The following ANAPC2 variants were observed in gnomAD, a reference collection of about 807,000 sequenced individuals.
The protein encoded by ANAPC2 is anaphase promoting complex subunit 2, also known as anaphase-promoting complex subunit 2.
Under a neutral mutation model 84.3 loss-of-function variants are expected in ANAPC2, and 29 were observed. The ratio of observed to expected loss-of-function variants is 0.34; its 90% confidence interval spans 0.26 to 0.47. The LOEUF (loss-of-function observed/expected upper bound fraction) is 0.47, where lower values mean the gene tolerates loss of function less well. Among genes scored for constraint, ANAPC2 ranks in the 20% least tolerant of loss-of-function variants. ANAPC2 has a pLI of 1.00. For missense variants in ANAPC2, 857 were observed against 1,131.7 expected (o/e 0.76, Z 3.48); for synonymous variants, 571 against 479.4 (o/e 1.19, Z -2.50).
At chr9:137,183,517 G>T (rs75838123) in intron 5 of ANAPC2, 155 bp downstream of exon 5, 2 of 1,194,106 alleles carry the variant, frequency 1.7e-6, no homozygotes, top group Non-Finnish European at 1.1e-6. Flanking sequence ...GGGCACCTCA[G>T]ATCCCCTAAG....
chr9:137,186,309 G>T lies in ANAPC2; in HGVS notation c.788C>A (p.Thr263Asn). The change falls in exon 3 of 13, where the codon ACC becomes AAC. Residue 263 changes from threonine (T) to asparagine (N), a missense_variant. By Grantham distance (65) the Thr-to-Asn change is moderately conservative (BLOSUM62 0). Coordinates refer to ENST00000323927, the MANE Select transcript of ANAPC2 (RefSeq NM_013366.4). ...LERVSAEAVT[T>N]TLHQVTRERM... Reference sequence around the variant, plus strand: ...CTCCCGGGTCACCTGGTGCAGGGTGGTGGTCACAGCCTCGGCACTGACCCG... The same window carrying T: ...CTCCCGGGTCACCTGGTGCAGGGTGTTGGTCACAGCCTCGGCACTGACCCG... 4 of 1,611,820 alleles carry T rather than the reference G, an allele frequency of 2.5e-6. No homozygotes were observed. The highest frequency in any genetic ancestry group is 3.4e-6 in the Non-Finnish European group (4 of 1,179,834).
At chr9:137,178,554 A>G (rs1248351457) in intron 10 of ANAPC2, among the ~76,000 whole-genome samples, 1 of 152,070 alleles carries the variant, frequency 6.6e-6, no homozygotes, top group Non-Finnish European at 1.5e-5. Context: ...GCAGGGGGAA[A>G]GGGACCGAGC....
intron 10 of ANAPC2, among the ~76,000 whole-genome samples, chr9:137,178,595 C>G (rs1300740849): frequency 6.6e-6 from 1 of 152,214 alleles, no homozygotes; most frequent in Non-Finnish European, 1.5e-5. Flanking sequence ...TGATTTGTAC[C>G]AGAACACAGC....
Position 137,175,021 on chromosome 9 carries a change from C to T in ANAPC2, c.2390G>A (p.Gly797Asp). The T allele has an allele frequency of 1.2e-6, 2 of 1,603,982 alleles. No individual in the cohort carries two copies. The highest frequency in any genetic ancestry group is 1.7e-5 in the Admixed American group (1 of 58,992). Residue 797 changes from glycine to aspartate, a missense_variant, in exon 13 of 13, where the codon GGC (glycine) becomes GAC (aspartate). Gly to Asp is a moderately conservative substitution (Grantham distance 94). Coordinates refer to ENST00000323927, the MANE Select transcript of ANAPC2 (RefSeq NM_013366.4). ...GTCCCGCACCTTCTTCTGCAGGTAG[C>T]CCTGCAGCTCCTGCAGGTCAATCTC... ...LAEIDLQELQGYLQKKVRDQQ... is the reference protein window; with the variant it reads ...LAEIDLQELQDYLQKKVRDQQ...
chr9:137,180,996 CA>C, intron 7 of ANAPC2, 67 bp from the exon 8 acceptor site: 1 of 1,576,960 alleles, frequency 6.3e-7, no homozygotes, highest in Non-Finnish European at 8.6e-7. Context: ...GCCCTCCTCC[CA>C]TCCCGCCCAG....
chr9:137,184,975 T>C lies in ANAPC2; in HGVS notation c.986A>G (p.Gln329Arg). The C allele has an allele frequency of 6.2e-7, 1 of 1,612,368 alleles. No homozygotes were observed. Among genetic ancestry groups the C allele is most frequent in the Non-Finnish European group, 8.5e-7 (1 of 1,179,630 alleles). ...GGCGTAGATGCGGTAGAAGAACCTT[T>C]GCACGTGGCAGCGCCAGCGGCGCAG... ...NTLRRWRCHVQRFFYRIYASL... is the reference protein window; with the variant it reads ...NTLRRWRCHVRRFFYRIYASL... Residue 329 changes from glutamine (Q) to arginine (R), a missense_variant, in exon 4 of 13, where the codon CAA (glutamine) becomes CGA (arginine). This residue lies in a region of ANAPC2 where 428 missense variants were observed against 513.8 expected (regional missense o/e 0.83). Transcript: ENST00000323927.
chr9:137,182,209 A>G (rs1461475478), intron 6 of ANAPC2, among the ~76,000 whole-genome samples: 1 of 152,022 alleles, frequency 6.6e-6, no homozygotes, highest in African/African-American at 2.4e-5. Context: ...CCTCAAAAAA[A>G]AGAAAAAGAA....
At chr9:137,181,146 C>T (rs1041582809) in intron 7 of ANAPC2, among the ~76,000 whole-genome samples, 1 of 152,200 alleles carries the variant, frequency 6.6e-6, no homozygotes, top group African/African-American at 2.4e-5. Context: ...AGGGACCTTC[C>T]GGGACTCCCA....
chr9:137,180,930 C>T lies in ANAPC2; in HGVS notation c.1469-1G>A. ...GAACGCCGCTTGGAGCTCGACTTCC[C>T]TGGCATGGTGGGGGCAGGGGTGTCA... On this transcript the variant is annotated splice_acceptor_variant, in intron 7 of 12. Transcript: ENST00000323927. LOFTEE classifies it high-confidence loss of function. The T allele has an allele frequency of 6.2e-7, 1 of 1,612,930 alleles. No individual in the cohort carries two copies. Among genetic ancestry groups the T allele is most frequent in the Non-Finnish European group, 8.5e-7 (1 of 1,179,772 alleles).
Position 137,183,217 on chromosome 9 carries a change from G to C in ANAPC2, c.1194C>G (p.Thr398=). 6.2e-7 allele frequency: 1 copy of C among 1,613,136 alleles called. No individual in the cohort carries two copies. Among genetic ancestry groups the C allele is most frequent in the Non-Finnish European group, 8.5e-7 (1 of 1,179,924 alleles). ...HPGVNTCDII[T]LYISAIKALR... is the part of the protein sequence containing the mutation. ...GCGCCTTGATGGCAGAGATATAGAG[G>C]GTGATGATGTCACACGTGTTGACGC... The change falls in exon 6 of 13, where the codon ACC becomes ACG. Residue 398 remains threonine (T), a synonymous_variant. Transcript: ENST00000323927.
chr9:137,179,956 G>A (rs1259004088), intron 10 of ANAPC2, among the ~76,000 whole-genome samples: 1 of 152,256 alleles, frequency 6.6e-6, no homozygotes, highest in Non-Finnish European at 1.5e-5. Context: ...AAGCGCCTGT[G>A]GGCCGCGCGG....
intron 12 of ANAPC2, 36 bp downstream of exon 12, chr9:137,175,201 C>T (rs1327499057): frequency 1.2e-6 from 2 of 1,605,442 alleles, no homozygotes; most frequent in Non-Finnish European, 1.7e-6. Flanking sequence ...GGCCTCGCCC[C>T]CGCCCCCTGG....
At position 137,180,547 on chromosome 9, in the gene ANAPC2, G is replaced by T; in HGVS notation, c.1611-20C>A. ...ATCTCCCTGGAAAGACGAGTGTCTG[G>T]GCAGGGGGTCGTGATGAGCCCCAGC... On this transcript the variant is annotated intron_variant, in intron 8 of 12. Coordinates refer to ENST00000323927, the MANE Select transcript of ANAPC2 (RefSeq NM_013366.4). 1 of 1,612,774 alleles carries T rather than the reference G, an allele frequency of 6.2e-7. No individual in the cohort carries two copies. Among genetic ancestry groups the T allele is most frequent in the Non-Finnish European group, 8.5e-7 (1 of 1,179,834 alleles).
intron 2 of ANAPC2, 182 bp downstream of exon 2, chr9:137,187,295 GGTGA>G (rs1834495119): frequency 1.4e-6 from 1 of 734,396 alleles, no homozygotes; most frequent in Non-Finnish European, 2.2e-6. Flanking sequence ...TGGGACTGAA[GGTGA>G]GTGACAGAAG....
At chr9:137,175,192 G>GCCTCGC (rs1156459116) in intron 12 of ANAPC2, 38 bp from the exon 13 acceptor site, 2 of 1,603,202 alleles carry the variant, frequency 1.2e-6, no homozygotes. Context: ...GCACCTGCAG[G>GCCTCGC]CCTCGCCCCC....
At chr9:137,179,130 G>A (rs754733655) in intron 10 of ANAPC2, among the ~76,000 whole-genome samples, 7 of 152,148 alleles carry the variant, frequency 4.6e-5, no homozygotes, top group African/African-American at 9.7e-5. Flanking sequence ...TGCCTGGGCC[G>A]AGGCTGGACC....
chr9:137,187,311 G>C, intron 2 of ANAPC2, 170 bp downstream of exon 2: 1 of 823,882 alleles, frequency 1.2e-6, no homozygotes, highest in Non-Finnish European at 1.8e-6. Context: ...TGACAGAAGA[G>C]AGACACCTGT....
chr9:137,186,163 G>A (rs1834463225), intron 3 of ANAPC2, 61 bp downstream of exon 3: 2 of 1,590,802 alleles, frequency 1.3e-6, no homozygotes, highest in Non-Finnish European at 1.7e-6. Flanking sequence ...CAGGTGTCAG[G>A]TTTGCCAGAA....
chr9:137,186,144 T>TTCTGAAGCCAGGTG, intron 3 of ANAPC2, 80 bp downstream of exon 3: 3 of 1,574,210 alleles, frequency 1.9e-6, no homozygotes, highest in Non-Finnish European at 2.6e-6. Flanking sequence ...CTCTGGATGC[T>TTCTGAAGCCAGGTG]TCTGAAGCCA....
Sources: allele counts gnomAD v4.1 joint callset (sites outside exome capture counted in the v4.1 genomes callset), GRCh38; gene constraint gnomAD v4.1.1; regional missense constraint gnomAD v4.1.1; transcripts MANE v1.5; gene names NCBI Gene and HGNC (gene_info 2026-07-23, HGNC 2026-07-21).